The following NEK11 variants were observed in gnomAD, a reference collection of about 807,000 sequenced individuals.
NEK11 encodes the protein serine/threonine-protein kinase Nek11.
A neutral mutation model predicts 80.7 loss-of-function variants in NEK11; 72 were observed. The observed-to-expected ratio is 0.89, with a 90% CI of 0.74 to 1.08. NEK11 has a LOEUF of 1.08. NEK11 is among the 50% of genes least tolerant of loss of function. The pLI is 0.00. For missense variants in NEK11, 764 were observed against 763.6 expected (o/e 1.00, Z -0.01); for synonymous variants, 251 against 260.7 (o/e 0.96, Z 0.36).
chr3:131,175,002 G>A, intron 14 of NEK11: 1 of 1,316,276 alleles, frequency 7.6e-7, no homozygotes, highest in Non-Finnish European at 9.7e-7. Context: ...GCTCAGACCT[G>A]TAGGTGGTTG....
chr3:131,343,686 C>T (rs190033839), intron 17 of NEK11, among the ~76,000 whole-genome samples: 1 of 152,300 alleles, frequency 6.6e-6, no homozygotes, highest in Non-Finnish European at 1.5e-5. Flanking sequence ...GGCTTAACAC[C>T]ATGTAGAAGC....
At chr3:131,296,036 T>G (rs1561421283) in intron 17 of NEK11, among the ~76,000 whole-genome samples, 1 of 152,108 alleles carries the variant, frequency 6.6e-6, no homozygotes, top group Non-Finnish European at 1.5e-5. Context: ...AGATAGGGTT[T>G]CACCATGATG....
At chr3:131,246,888 T>C (rs1240092532) in intron 16 of NEK11, among the ~76,000 whole-genome samples, 1 of 152,160 alleles carries the variant, frequency 6.6e-6, no homozygotes, top group Non-Finnish European at 1.5e-5. Flanking sequence ...TTTTTTCATA[T>C]GCTTGTTGGC....
chr3:131,196,846 C>T (rs992982265), intron 14 of NEK11, among the ~76,000 whole-genome samples: 12 of 138,150 alleles, frequency 8.7e-5, no homozygotes, highest in South Asian at 2.3e-4. Context: ...CTTTTCTTTT[C>T]TTTTTTTTTT....
intron 17 of NEK11, among the ~76,000 whole-genome samples, chr3:131,281,202 A>G (rs1394388814): frequency 6.6e-6 from 1 of 152,204 alleles, no homozygotes; most frequent in Non-Finnish European, 1.5e-5. Flanking sequence ...ATGGGTCCAA[A>G]GTCAGATCTA....
At chr3:131,169,938 G>A (rs868417377) in intron 13 of NEK11, among the ~76,000 whole-genome samples, 5 of 151,972 alleles carry the variant, frequency 3.3e-5, no homozygotes, top group South Asian at 2.1e-4. Context: ...AACCAATTTC[G>A]CCTCCTGAAA....
intron 17 of NEK11, among the ~76,000 whole-genome samples, chr3:131,294,462 G>A (rs1013828020): frequency 1.3e-5 from 2 of 151,096 alleles, no homozygotes; most frequent in African/African-American, 2.4e-5. Flanking sequence ...AAAGTCTATG[G>A]CTTTTATGGC....
At chr3:131,133,453 G>C (rs972010985) in intron 6 of NEK11, 1 of 289,172 alleles carries the variant, frequency 3.5e-6, no homozygotes, top group African/African-American at 2.3e-5. Context: ...GTAAATTTAA[G>C]AACAAATTCT....
intron 17 of NEK11, among the ~76,000 whole-genome samples, chr3:131,324,555 T>C (rs1013341362): frequency 6.6e-6 from 1 of 152,230 alleles, no homozygotes; most frequent in Non-Finnish European, 1.5e-5. Context: ...AAAGCTGTGG[T>C]GAAATTGACT....
At chr3:131,065,652 T>G (rs1341591126) in intron 3 of NEK11, among the ~76,000 whole-genome samples, 1 of 152,198 alleles carries the variant, frequency 6.6e-6, no homozygotes, top group African/African-American at 2.4e-5. Context: ...AGATGAGCTG[T>G]TCTGCTGTTA....
chr3:131,033,609 A>G (rs1430847518), intron 3 of NEK11, among the ~76,000 whole-genome samples: 4 of 152,220 alleles, frequency 2.6e-5, no homozygotes, highest in African/African-American at 9.6e-5. Context: ...GAACAGCTGT[A>G]TGTACATAGT....
At chr3:131,184,185 G>A (rs575849576) in intron 14 of NEK11, among the ~76,000 whole-genome samples, 5 of 152,148 alleles carry the variant, frequency 3.3e-5, no homozygotes, top group African/African-American at 1.2e-4. Flanking sequence ...AAATGTCAGA[G>A]GAAGTACTCA....
At chr3:131,100,225 CT>C (rs2078160794) in intron 4 of NEK11, among the ~76,000 whole-genome samples, 1 of 152,090 alleles carries the variant, frequency 6.6e-6, no homozygotes, top group Non-Finnish European at 1.5e-5. Context: ...ATGGTTTTCG[CT>C]TTTAATTTTG....
In NEK11 at chr3:131,228,459, G is replaced by T; in HGVS notation, c.1400-69G>T. The T allele has an allele frequency of 2.2e-6, 3 of 1,346,410 alleles. No homozygotes were observed. In the South Asian group the frequency reaches 4.9e-5, roughly 22 times the overall value. The allele number at this position is 1,346,410 out of a possible 1,614,324, so 83.4% of individuals were successfully genotyped here. ...AGCAAAATATACATCCCTGTGAAAA[G>T]ATACAGTATTCTTACCTCATTATAA... On this transcript the variant is annotated intron_variant, in intron 14 of 17. Transcript: ENST00000383366.
intron 15 of NEK11, among the ~76,000 whole-genome samples, chr3:131,240,678 C>T (rs2095505814): frequency 6.6e-6 from 1 of 152,078 alleles, no homozygotes; most frequent in African/African-American, 2.4e-5. Flanking sequence ...GTTCTAAAAA[C>T]ATAAACATTT....
intron 17 of NEK11, among the ~76,000 whole-genome samples, chr3:131,293,588 G>GTTTTTTTTTTTTTTTTTTTTTTTTTT (rs2096565945): frequency 1.3e-5 from 2 of 151,008 alleles, no homozygotes; most frequent in African/African-American, 4.9e-5. Context: ...TTTTATTTTG[G>GTTTTTTTTTTTTTTTTTTTTTTTTTT]TTTAGGTTGA....
intron 3 of NEK11, among the ~76,000 whole-genome samples, chr3:131,066,469 T>C (rs947303195): frequency 2.0e-5 from 3 of 152,232 alleles, no homozygotes; most frequent in Admixed American, 6.5e-5. Flanking sequence ...GTGAAGCTCA[T>C]TGGACTTTGA....
At chr3:131,198,586 G>A (rs1580009964) in intron 14 of NEK11, among the ~76,000 whole-genome samples, 1 of 152,152 alleles carries the variant, frequency 6.6e-6, no homozygotes, top group Non-Finnish European at 1.5e-5. Context: ...GACTGCTACT[G>A]TCGCCAATAC....
intron 17 of NEK11, among the ~76,000 whole-genome samples, chr3:131,340,484 A>AT (rs1561633227): frequency 6.6e-6 from 1 of 152,184 alleles, no homozygotes; most frequent in African/African-American, 2.4e-5. Flanking sequence ...GATAAAATGT[A>AT]TTTTTTTATA....
Sources: gnomAD v4.1 joint callset for allele counts (sites outside exome capture counted in the v4.1 genomes callset) on GRCh38, gnomAD v4.1.1 for gene constraint, MANE v1.5 for transcripts, NCBI Gene and HGNC (gene_info 2026-07-23, HGNC 2026-07-21) for gene names.